Variants in COL5A2 observed in about 807,000 individuals in gnomAD.
COL5A2 encodes the protein collagen type V alpha 2 chain.
A neutral mutation model predicts 208.2 loss-of-function variants in COL5A2; 23 were observed. The observed-to-expected ratio is 0.11, with a 90% CI of 0.08 to 0.16. The LOEUF (loss-of-function observed/expected upper bound fraction) is 0.16, where lower values mean the gene tolerates loss of function less well. COL5A2 is among the 10% of genes least tolerant of loss of function. The probability of loss-of-function intolerance (pLI) is 1.00; values close to 1 mark genes in which losing one functional copy is unlikely to be tolerated. For synonymous variants in COL5A2, 625 were observed against 628.5 expected (o/e 0.99, Z 0.08); for missense variants, 1,590 against 1,956.4 (o/e 0.81, Z 3.53).
intron 1 of COL5A2, among the ~76,000 whole-genome samples, chr2:189,127,232 G>T (rs1452590859): frequency 6.6e-6 from 1 of 151,988 alleles, no homozygotes; most frequent in Non-Finnish European, 1.5e-5. Context: ...GGTTAAAAAG[G>T]GACAGGGTTG....
the COL5A2 span, among the ~76,000 whole-genome samples, chr2:189,258,409 T>C: frequency 6.6e-6 from 1 of 152,214 alleles, no homozygotes; most frequent in African/African-American, 2.4e-5. Flanking sequence ...CTTATTTACA[T>C]TGTTGCTTTT....
intron 3 of COL5A2, among the ~76,000 whole-genome samples, chr2:189,100,696 A>T (rs1478661803): frequency 1.3e-5 from 2 of 151,978 alleles, no homozygotes; most frequent in African/African-American, 2.4e-5. Flanking sequence ...AAAGAAAAAA[A>T]TAATAATTCC....
At chr2:189,064,057 A>C (rs766943759) in intron 25 of COL5A2, 24 bp from the exon 26 acceptor site, 1 of 1,606,784 alleles carries the variant, frequency 6.2e-7, no homozygotes, top group Non-Finnish European at 8.5e-7. Context: ...ACCAACTGTC[A>C]GTTTGTTGCT....
the COL5A2 span, among the ~76,000 whole-genome samples, chr2:189,288,161 G>A: frequency 3.3e-5 from 5 of 152,090 alleles, no homozygotes; most frequent in East Asian, 1.9e-4. Flanking sequence ...AAAAAAAGAC[G>A]TTTGGGCTTC....
chr2:189,085,192 G>A lies in COL5A2; in HGVS notation c.766C>T (p.Pro256Ser), dbSNP rs750774827. Residue 256 changes from proline (P) to serine (S), a missense_variant, in exon 11 of 54, where the codon CCA (proline) becomes TCA (serine). Coordinates refer to ENST00000374866, the MANE Select transcript of COL5A2 (RefSeq NM_000393.5). ...CCAGGTTTACCAGGAGGGCCCTCTGGTCCACGTGAACCAATCGGACCCTAA... is the reference window on the plus strand; with the variant it reads ...CCAGGTTTACCAGGAGGGCCCTCTGATCCACGTGAACCAATCGGACCCTAA... ...GPMGPIGSRG[P>S]EGPPGKPGED... 6.2e-7 allele frequency: 1 copy of A among 1,611,888 alleles called. No homozygotes were observed. The highest frequency in any genetic ancestry group is 8.5e-7 in the Non-Finnish European group (1 of 1,178,936).
the COL5A2 span, among the ~76,000 whole-genome samples, chr2:189,245,598 C>A: frequency 6.6e-6 from 1 of 151,490 alleles, no homozygotes; most frequent in South Asian, 2.1e-4. Flanking sequence ...CATTCTCCTG[C>A]CTCAGCCTCC....
At chr2:189,052,880 C>T (rs1334166690) in intron 39 of COL5A2, 31 bp downstream of exon 39, 21 of 1,611,980 alleles carry the variant, frequency 1.3e-5, no homozygotes, top group Non-Finnish European at 1.8e-5. Context: ...GGGCACTTGA[C>T]TCAAGTTATG....
intron 1 of COL5A2, among the ~76,000 whole-genome samples, chr2:189,122,526 G>A (rs1350749331): frequency 6.6e-6 from 1 of 152,128 alleles, no homozygotes; most frequent in Non-Finnish European, 1.5e-5. Flanking sequence ...AAGTTTTAAC[G>A]ACATGCCCAC....
intron 43 of COL5A2, 85 bp downstream of exon 43, chr2:189,050,484 C>T: frequency 1.8e-6 from 2 of 1,128,050 alleles, no homozygotes; most frequent in Non-Finnish European, 2.6e-6. Flanking sequence ...TAAATCTATT[C>T]ATCAAGCAAA....
the COL5A2 span, among the ~76,000 whole-genome samples, chr2:189,438,695 G>C: frequency 6.6e-6 from 1 of 152,132 alleles, no homozygotes; most frequent in African/African-American, 2.4e-5. Context: ...AGAAATACTG[G>C]GGAATTCTTT....
At chr2:189,225,197 G>A (rs571686851) in exon 1 of COL5A2, among the ~76,000 whole-genome samples, 1 of 152,138 alleles carries the variant, frequency 6.6e-6, no homozygotes, top group Admixed American at 6.5e-5. Flanking sequence ...AGAATCAGAA[G>A]CAGGTGGTTT....
At chr2:189,342,739 T>C in the COL5A2 span, among the ~76,000 whole-genome samples, 1 of 151,696 alleles carries the variant, frequency 6.6e-6, no homozygotes, top group Admixed American at 6.6e-5. Flanking sequence ...AATACCACTA[T>C]ACATTTTGTG....
intron 1 of COL5A2, among the ~76,000 whole-genome samples, chr2:189,171,733 T>A (rs768922684): frequency 2.6e-5 from 4 of 152,202 alleles, no homozygotes; most frequent in African/African-American, 4.8e-5. Flanking sequence ...TTATCTAAAG[T>A]TCATGTGAAA....
chr2:189,425,995 T>A, the COL5A2 span, among the ~76,000 whole-genome samples: 1 of 152,320 alleles, frequency 6.6e-6, no homozygotes, highest in East Asian at 1.9e-4. Context: ...CAGTCTCAGA[T>A]ATTTCCTTAT....
At chr2:189,416,240 T>C in the COL5A2 span, among the ~76,000 whole-genome samples, 1 of 152,240 alleles carries the variant, frequency 6.6e-6, no homozygotes. Context: ...TAAGTCATGC[T>C]GCTATACAGA....
intron 51 of COL5A2, among the ~76,000 whole-genome samples, chr2:189,038,392 T>C (rs549527540): frequency 6.6e-6 from 1 of 152,354 alleles, no homozygotes; most frequent in South Asian, 2.1e-4. Flanking sequence ...TAATGTTCCA[T>C]CATATATATG....
chr2:189,430,948 G>C, the COL5A2 span, among the ~76,000 whole-genome samples: 2 of 152,158 alleles, frequency 1.3e-5, no homozygotes, highest in Non-Finnish European at 2.9e-5. Flanking sequence ...ATATAGGTGG[G>C]TGCCCCTATG....
At chr2:189,135,667 A>T (rs2105762469) in intron 1 of COL5A2, among the ~76,000 whole-genome samples, 1 of 152,348 alleles carries the variant, frequency 6.6e-6, no homozygotes, top group African/African-American at 2.4e-5. Flanking sequence ...AATGAAAAAG[A>T]ACACATATTT....
At chr2:189,075,014 T>C (rs1286121283) in intron 17 of COL5A2, among the ~76,000 whole-genome samples, 2 of 152,174 alleles carry the variant, frequency 1.3e-5, no homozygotes, top group African/African-American at 2.4e-5. Context: ...CTTCATGATA[T>C]AGCTCTCGCC....
Sources: gnomAD v4.1 joint callset for allele counts (sites outside exome capture counted in the v4.1 genomes callset) on GRCh38, gnomAD v4.1.1 for gene constraint, MANE v1.5 for transcripts, NCBI Gene and HGNC (gene_info 2026-07-23, HGNC 2026-07-21) for gene names.